ERAP1: variants seen among roughly 807,000 people sequenced by gnomAD.
The protein encoded by ERAP1 is adipocyte-derived leucine aminopeptidase.
A neutral mutation model predicts 103.7 loss-of-function variants in ERAP1; 86 were observed. The ratio of observed to expected loss-of-function variants is 0.83; its 90% CI spans 0.70 to 0.99. ERAP1 has a LOEUF of 0.99. Ranked by LOEUF, ERAP1 falls within the 50% of genes least tolerant of loss-of-function variation. The pLI is 0.00. For missense variants in ERAP1, 1,009 were observed against 1,128.4 expected, an observed-to-expected ratio of 0.89 and a Z score of 1.52; for synonymous variants, 398 against 402.4, an observed-to-expected ratio of 0.99 and a Z score of 0.13.
the ERAP1 span, among the ~76,000 whole-genome samples, chr5:96,869,656 G>A: frequency 6.6e-6 from 1 of 152,326 alleles, no homozygotes; most frequent in South Asian, 2.1e-4. Context: ...GACAGCTGAA[G>A]GAAACGAAGA....
chr5:96,870,444 T>C, the ERAP1 span, among the ~76,000 whole-genome samples: 1 of 151,534 alleles, frequency 6.6e-6, no homozygotes, highest in East Asian at 1.9e-4. Context: ...TTAGCCTTTG[T>C]CTAATCTCTT....
At chr5:96,918,836 C>T in the ERAP1 span, 1 of 152,124 alleles carries the variant, frequency 6.6e-6, no homozygotes, top group African/African-American at 2.4e-5. Context: ...GATGCAGCAC[C>T]ATATTTTATA....
At chr5:96,855,086 G>C in the ERAP1 span, among the ~76,000 whole-genome samples, 2,754 of 152,232 alleles carry the variant, frequency 0.018, 87 homozygotes, top group African/African-American at 0.063. Flanking sequence ...CTATTAGTAA[G>C]AAAGCTTGAC....
chr5:96,906,504 G>A, the ERAP1 span, among the ~76,000 whole-genome samples: 1 of 152,206 alleles, frequency 6.6e-6, no homozygotes, highest in Non-Finnish European at 1.5e-5. Flanking sequence ...CTGGGCTCAA[G>A]CAATCCTCCT....
the ERAP1 span, among the ~76,000 whole-genome samples, chr5:96,874,136 G>GAGAAAGAA: frequency 0.093 from 11,019 of 118,644 alleles, 673 homozygotes; most frequent in South Asian, 0.17. Context: ...GAAAGAGAGA[G>GAGAAAGAA]AGAAAGAAAG....
At position 96,781,217 on chromosome 5, in the gene ERAP1, GA is replaced by G. The variant is rs1561667261; in HGVS notation, c.2448-20del. ...TAGTAGCCTAGAAGGATTAAGAAAA[GA>G]AATGTTAGCAATGAATAGGTGATGA... is the stretch of plus-strand genomic sequence containing the variant. On this transcript the variant is annotated intron_variant, in intron 16 of 18. Coordinates refer to ENST00000443439, the MANE Select transcript of ERAP1 (RefSeq NM_001040458.3). 1.9e-6 allele frequency: 3 copies of G among 1,610,108 alleles called. No homozygotes were observed. The highest frequency in any genetic ancestry group is 2.5e-6 in the Non-Finnish European group (3 of 1,177,492).
chr5:96,768,044 G>A, intron 19 of ERAP1: 3 of 1,174,408 alleles, frequency 2.6e-6, no homozygotes, highest in Non-Finnish European at 2.6e-6. Flanking sequence ...GTGTGTGTGT[G>A]TATGTGTACA....
chr5:96,803,594 A>C lies in ERAP1; in HGVS notation c.333T>G (p.Ala111=). The change falls in exon 2 of 19, where the codon GCT becomes GCG. Residue 111 remains alanine, a synonymous_variant. Coordinates refer to ENST00000443439, the MANE Select transcript of ERAP1 (RefSeq NM_001040458.3). ...QISRATLRKG[A]GERLSEEPLQ... is the part of the protein sequence containing the mutation. ...GGGGTTCTTCCGATAGCCTCTCTCC[A>C]GCTCCCTTCCTGAGGGTGGCCCTAG... The C allele has an allele frequency of 6.2e-7, 1 of 1,614,168 alleles. No homozygotes were observed. The highest frequency in any genetic ancestry group is 8.5e-7 in the Non-Finnish European group (1 of 1,180,024).
the ERAP1 span, among the ~76,000 whole-genome samples, chr5:96,859,819 A>G: frequency 6.6e-6 from 1 of 152,180 alleles, no homozygotes; most frequent in East Asian, 1.9e-4. Context: ...ACTCTGACCT[A>G]TTGACATCAG....
chr5:96,836,177 T>G, the ERAP1 span, among the ~76,000 whole-genome samples: 10 of 18,352 alleles, frequency 5.4e-4, no homozygotes, highest in African/African-American at 1.7e-3. Context: ...ACCTCTTTGG[T>G]TTTTTTTTTT....
chr5:96,914,161 C>T, the ERAP1 span, among the ~76,000 whole-genome samples: 1 of 152,116 alleles, frequency 6.6e-6, no homozygotes, highest in East Asian at 1.9e-4. Flanking sequence ...CACACACACA[C>T]ACACACAATC....
At chr5:96,867,120 C>G in the ERAP1 span, among the ~76,000 whole-genome samples, 2 of 151,912 alleles carry the variant, frequency 1.3e-5, no homozygotes, top group Non-Finnish European at 2.9e-5. Context: ...GATTCTCCTG[C>G]CTCAGCCTCC....
chr5:96,787,817 C>CATAT (rs58423662), intron 11 of ERAP1, among the ~76,000 whole-genome samples: 27 of 147,754 alleles, frequency 1.8e-4, no homozygotes, highest in Non-Finnish European at 3.6e-4. Context: ...TATATATACA[C>CATAT]ATATATATGT....
chr5:96,916,710 C>T, the ERAP1 span, among the ~76,000 whole-genome samples: 1 of 151,590 alleles, frequency 6.6e-6, no homozygotes, highest in Non-Finnish European at 1.5e-5. Context: ...CCTCGTGATC[C>T]ACCCACTTTG....
At chr5:96,928,725 A>T in the ERAP1 span, among the ~76,000 whole-genome samples, 11 of 152,242 alleles carry the variant, frequency 7.2e-5, 1 homozygote. Flanking sequence ...TGAGCATGAC[A>T]GCAGAGCTCC....
chr5:96,908,786 G>T, the ERAP1 span, among the ~76,000 whole-genome samples: 2 of 152,170 alleles, frequency 1.3e-5, no homozygotes. Context: ...GAGAGGTTTG[G>T]TAATTTGTCC....
chr5:96,893,529 GCA>G, the ERAP1 span, among the ~76,000 whole-genome samples: 1 of 152,176 alleles, frequency 6.6e-6, no homozygotes, highest in Non-Finnish European at 1.5e-5. Context: ...GAGCTCTAAA[GCA>G]CTTAACTGAG....
the ERAP1 span, among the ~76,000 whole-genome samples, chr5:96,853,845 A>G: frequency 6.7e-5 from 6 of 90,132 alleles, no homozygotes; most frequent in East Asian, 1.6e-3. Flanking sequence ...GCTATTTAAA[A>G]GTTCTAAAAA....
At chr5:96,780,365 TTAATTAGC>T in intron 18 of ERAP1, 50 bp downstream of exon 18, 7 of 1,268,742 alleles carry the variant, frequency 5.5e-6, no homozygotes, top group Non-Finnish European at 7.6e-6. Context: ...CTACCCCATA[TTAATTAGC>T]TAATTTTCAT....
Sources: gnomAD v4.1 joint callset for allele counts (sites outside exome capture counted in the v4.1 genomes callset) on GRCh38, gnomAD v4.1.1 for gene constraint, MANE v1.5 for transcripts, NCBI Gene and HGNC (gene_info 2026-07-23, HGNC 2026-07-21) for gene names.